Variants in MACROD1 observed in about 807,000 individuals in gnomAD.
MACROD1 encodes the protein mono-ADP ribosylhydrolase 1.
MACROD1 carries 31 observed loss-of-function variants against 41.4 expected under a neutral mutation model. The ratio of observed to expected loss-of-function variants is 0.75; its 90% confidence interval spans 0.56 to 1.01. MACROD1 has a LOEUF of 1.01. Ranked by LOEUF, MACROD1 falls within the 50% of genes least tolerant of loss-of-function variation. The pLI is 0.00. For missense variants in MACROD1, 473 were observed against 460.0 expected, an observed-to-expected ratio of 1.03 and a Z score of -0.26; for synonymous variants, 252 against 203.4, an observed-to-expected ratio of 1.24 and a Z score of -2.03.
chr11:64,101,199 G>T (rs988768025), intron 3 of MACROD1, among the ~76,000 whole-genome samples: 3 of 152,144 alleles, frequency 2.0e-5, no homozygotes, highest in Non-Finnish European at 2.9e-5. Flanking sequence ...ACAGTGAAGG[G>T]CCAGGCTGGA....
rs549443933 is a variant in MACROD1 at position 64,065,606 on chromosome 11, G to A, written c.518-50325C>T. ...AGATCAAGACCATCCTGGCTAACAC[G>A]GTGAAACCCAGTCTCTACTAAAAAA... On this transcript the variant is annotated intron_variant, in intron 3 of 10. Coordinates refer to ENST00000255681, the MANE Select transcript of MACROD1 (RefSeq NM_014067.4). 1.3e-3 allele frequency among the ~76,000 whole-genome samples: 183 copies of A among 137,894 alleles called. 1 individual carries two copies. Among genetic ancestry groups the A allele is most frequent in the Middle Eastern group, 3.7e-3 (1 of 270 alleles). 90.5% of individuals were successfully genotyped at this position (137,894 alleles called of 152,430 possible). A position where few individuals can be genotyped will look rare whatever the true frequency, so the allele number is the denominator to read the frequency against.
intron 3 of MACROD1, among the ~76,000 whole-genome samples, chr11:64,141,674 G>A (rs957772068): frequency 1.3e-5 from 2 of 152,302 alleles, no homozygotes; most frequent in Middle Eastern, 3.4e-3. Context: ...CTCAGTGCTC[G>A]GGTGGACAGC....
At chr11:64,046,200 C>A (rs910132188) in intron 3 of MACROD1, among the ~76,000 whole-genome samples, 5 of 152,196 alleles carry the variant, frequency 3.3e-5, no homozygotes, top group Non-Finnish European at 7.3e-5. Context: ...TTCTCCAGAG[C>A]AGCCGACTCC....
chr11:64,118,557 A>T lies in MACROD1; in HGVS notation c.517+32682T>A. Reference sequence around the variant, plus strand: ...CCAAGTTATGCCAGTTGGGGAGGGAAGGACTAAAAATAATATTGCAGGCAG... The same window carrying T: ...CCAAGTTATGCCAGTTGGGGAGGGATGGACTAAAAATAATATTGCAGGCAG... On this transcript the variant is annotated intron_variant, in intron 3 of 10. Coordinates refer to ENST00000255681, the MANE Select transcript of MACROD1 (RefSeq NM_014067.4). The T allele has an allele frequency of 7.2e-6, 3 of 414,870 alleles. No homozygotes were observed. The East Asian group carries it at 1.1e-4, about 16-fold the overall frequency. The allele number at this position is 414,870 out of a possible 1,614,324, so 25.7% of individuals were successfully genotyped here. A position where few individuals can be genotyped will look rare whatever the true frequency, so the allele number is the denominator to read the frequency against.
intron 3 of MACROD1, among the ~76,000 whole-genome samples, chr11:64,139,787 T>G (rs996890272): frequency 4.0e-5 from 6 of 151,698 alleles, no homozygotes; most frequent in African/African-American, 1.5e-4. Context: ...AAACCCCGTA[T>G]CTACTAAAAA....
chr11:64,142,009 C>G (rs888767632), intron 3 of MACROD1, among the ~76,000 whole-genome samples: 1 of 152,230 alleles, frequency 6.6e-6, no homozygotes, highest in African/African-American at 2.4e-5. Context: ...CTGGGTTACA[C>G]TGGGCCTTGT....
At chr11:64,001,306 C>T (rs567861902) in intron 4 of MACROD1, 2 of 638,920 alleles carry the variant, frequency 3.1e-6, no homozygotes, top group East Asian at 2.7e-5. Context: ...GACAGCGACC[C>T]TCCCACAGAG....
chr11:64,151,395 C>G (rs1246700529), intron 2 of MACROD1, 40 bp from the exon 3 acceptor site: 5 of 1,515,620 alleles, frequency 3.3e-6, no homozygotes, highest in Non-Finnish European at 4.6e-6. Flanking sequence ...AGCGAGGCTG[C>G]CCACTGCAGA....
chr11:64,070,393 A>G (rs1289191305), intron 3 of MACROD1, among the ~76,000 whole-genome samples: 1 of 152,138 alleles, frequency 6.6e-6, no homozygotes, highest in Admixed American at 6.5e-5. Context: ...TCTCTCCTAT[A>G]AAATAGAGCC....
chr11:64,031,136 C>T (rs996479614), intron 3 of MACROD1, among the ~76,000 whole-genome samples: 58 of 152,152 alleles, frequency 3.8e-4, no homozygotes. Flanking sequence ...GGCTGGCAGC[C>T]TCCCCGGTGC....
rs1382823627 is a variant in MACROD1 at position 64,067,243 on chromosome 11, A to G, written c.518-51962T>C. On this transcript the variant is annotated intron_variant, in intron 3 of 10. Transcript: ENST00000255681. This position sits in a 1 kb window ranked among gnomAD's most constrained non-coding sequence, Gnocchi z 4.6. Reference sequence around the variant, plus strand: ...TGGGGAGAGGCCTTGCATGGCACCCACTCCCACCTGTGCGGCACGAGAGGG... The same window carrying G: ...TGGGGAGAGGCCTTGCATGGCACCCGCTCCCACCTGTGCGGCACGAGAGGG... Among the ~76,000 whole-genome samples, 1 of 151,620 alleles carries G rather than the reference A, an allele frequency of 6.6e-6. No homozygotes were observed. Among genetic ancestry groups the G allele is most frequent in the East Asian group, 1.9e-4 (1 of 5,134 alleles).
At chr11:64,117,551 C>T in intron 3 of MACROD1, 1 of 1,605,556 alleles carries the variant, frequency 6.2e-7, no homozygotes, top group Non-Finnish European at 8.5e-7. Context: ...ACATTGACTA[C>T]CCCATGGCCA....
At chr11:64,025,422 A>AC in intron 3 of MACROD1, among the ~76,000 whole-genome samples, 1 of 151,898 alleles carries the variant, frequency 6.6e-6, no homozygotes, top group South Asian at 2.1e-4. Context: ...GCTGCCCCTC[A>AC]CCCCTCATGC....
intron 3 of MACROD1, among the ~76,000 whole-genome samples, chr11:64,095,716 T>C (rs1370311483): frequency 1.3e-5 from 2 of 152,226 alleles, no homozygotes; most frequent in East Asian, 3.8e-4. Flanking sequence ...GGTTTCTAGA[T>C]GCAGCAGGCG....
chr11:64,019,031 G>A (rs1021134150), intron 3 of MACROD1, among the ~76,000 whole-genome samples: 1 of 152,130 alleles, frequency 6.6e-6, no homozygotes, highest in Non-Finnish European at 1.5e-5. Flanking sequence ...GGGGCTGAGT[G>A]GGGGACCCGA....
chr11:64,137,911 C>T (rs1016800014), intron 3 of MACROD1, among the ~76,000 whole-genome samples: 1 of 152,240 alleles, frequency 6.6e-6, no homozygotes, highest in East Asian at 1.9e-4. Flanking sequence ...CTCAATTTTA[C>T]TGTTCCTATT....
At chr11:64,024,643 C>A (rs966467048) in intron 3 of MACROD1, among the ~76,000 whole-genome samples, 2 of 152,252 alleles carry the variant, frequency 1.3e-5, no homozygotes, top group East Asian at 1.9e-4. Context: ...TGGGCCCCAG[C>A]CAGCCGGGCA....
intron 3 of MACROD1, among the ~76,000 whole-genome samples, chr11:64,080,425 TG>T (rs1244008943): frequency 6.6e-6 from 1 of 152,204 alleles, no homozygotes; most frequent in African/African-American, 2.4e-5. Flanking sequence ...TTTTTTTGTG[TG>T]TATTTACAAG....
chr11:64,051,070 C>A (rs1419377220), intron 3 of MACROD1, among the ~76,000 whole-genome samples: 3 of 152,238 alleles, frequency 2.0e-5, no homozygotes, highest in Admixed American at 6.5e-5. Flanking sequence ...TTGTGCCCCA[C>A]CGATCTGGAG....
Sources: gnomAD v4.1 joint callset for allele counts (sites outside exome capture counted in the v4.1 genomes callset) on GRCh38, gnomAD v4.1.1 for gene constraint, Gnocchi (gnomAD v3.1) non-coding constraint, MANE v1.5 for transcripts, NCBI Gene and HGNC (gene_info 2026-07-23, HGNC 2026-07-21) for gene names.